Variants in FAM228B observed in about 807,000 individuals in gnomAD.
FAM228B encodes protein FAM228B.
In FAM228B, 38 loss-of-function variants were observed where a neutral mutation model predicts 42.6. The observed-to-expected ratio is 0.89, with a 90% confidence interval of 0.69 to 1.17. The LOEUF (loss-of-function observed/expected upper bound fraction) is 1.17. Ranked by LOEUF, FAM228B falls within the 50% of genes most tolerant of loss-of-function variation. The pLI, the probability that FAM228B is intolerant of heterozygous loss-of-function variation, is 0.00. For missense variants in FAM228B, 344 were observed against 367.3 expected (o/e 0.94, Z 0.52); for synonymous variants, 109 against 122.3 (o/e 0.89, Z 0.72).
chr2:24,081,249 T>C (rs1292375088), intron 2 of FAM228B, among the ~76,000 whole-genome samples: 1 of 152,228 alleles, frequency 6.6e-6, no homozygotes, highest in African/African-American at 2.4e-5. Flanking sequence ...AAAGAGCATA[T>C]TGACGACCTT....
At chr2:24,101,353 G>T (rs1665600917) in intron 3 of FAM228B, among the ~76,000 whole-genome samples, 1 of 151,766 alleles carries the variant, frequency 6.6e-6, no homozygotes, top group Non-Finnish European at 1.5e-5. Flanking sequence ...TATATTTTAT[G>T]CTTTACTGAT....
chr2:24,162,024 G>T (rs1011505730), intron 8 of FAM228B, among the ~76,000 whole-genome samples: 4 of 152,186 alleles, frequency 2.6e-5, no homozygotes, highest in Admixed American at 1.3e-4. Context: ...GTTTGAACCC[G>T]GGAGGCAGAA....
intron 2 of FAM228B, among the ~76,000 whole-genome samples, chr2:24,127,023 G>A (rs747134716): frequency 4.6e-5 from 7 of 151,676 alleles, no homozygotes; most frequent in African/African-American, 1.5e-4. Context: ...TCACAAATCC[G>A]TGCAACTGTC....
chr2:24,100,105 T>A (rs1665575803), intron 3 of FAM228B, among the ~76,000 whole-genome samples: 3 of 151,920 alleles, frequency 2.0e-5, no homozygotes, highest in Non-Finnish European at 2.9e-5. Context: ...TTACACCTTA[T>A]AAAAAATTAA....
chr2:24,134,932 G>A (rs371655424), intron 2 of FAM228B, among the ~76,000 whole-genome samples, 187 bp from the exon 3 acceptor site: 40 of 152,274 alleles, frequency 2.6e-4, no homozygotes, highest in Admixed American at 1.0e-3. Context: ...CAGCCTAGGC[G>A]ACAGAACAAG....
At chr2:24,158,794 C>T (rs149116199) in intron 7 of FAM228B, among the ~76,000 whole-genome samples, 6 of 152,176 alleles carry the variant, frequency 3.9e-5, no homozygotes, top group Non-Finnish European at 8.8e-5. Flanking sequence ...GAGAGGAGCT[C>T]GAAGTTTTGA....
At position 24,116,876 on chromosome 2, in the gene FAM228B, C is replaced by CA. The variant is rs764310244; in HGVS notation, c.-120-18231dup. The stretch of plus-strand genomic sequence containing the variant: ...TGGCTGATAGAATGAAACTGTGTCT[C>CA]AAAAAAAAAAAAGAAAAAGAAAAAC... On this transcript the variant is annotated intron_variant, in intron 3 of 10. Transcript: ENST00000613899. Among the ~76,000 whole-genome samples, 530 of 113,478 alleles carry CA rather than the reference C, an allele frequency of 4.7e-3. 1 individual carries two copies. Among genetic ancestry groups the CA allele is most frequent in the African/African-American group, 0.014 (416 of 30,676 alleles). 74.4% of individuals were successfully genotyped at this position (113,478 alleles called of 152,430 possible).
chr2:24,083,163 A>T, intron 2 of FAM228B: 1 of 1,594,138 alleles, frequency 6.3e-7, no homozygotes, highest in Middle Eastern at 1.7e-4. Context: ...CTGCAGAGAA[A>T]GAAGTGCACT....
chr2:24,135,940 C>G (rs62128007), intron 3 of FAM228B, among the ~76,000 whole-genome samples: 22 of 135,908 alleles, frequency 1.6e-4, no homozygotes, highest in Non-Finnish European at 3.1e-4. Flanking sequence ...TTTACTCTTG[C>G]CTTTTTTTTT....
intron 5 of FAM228B, among the ~76,000 whole-genome samples, chr2:24,146,508 A>G (rs1236313083): frequency 1.3e-5 from 2 of 152,190 alleles, no homozygotes; most frequent in Non-Finnish European, 2.9e-5. Context: ...TTGAACCCAC[A>G]CTTTGAAACA....
Position 24,080,703 on chromosome 2 carries a change from T to C in FAM228B, c.-289-173T>C. ...AGTACTAGAATTTGGCCAGGGCAGC[T>C]GTTGTGCACTTAGCAGAGGTAAGAC... On this transcript the variant is annotated intron_variant, in intron 1 of 10. Coordinates refer to the FAM228B transcript ENST00000613899. This position sits in a 1 kb window ranked among gnomAD's most constrained non-coding sequence, Gnocchi z 4.7. 2 of 1,254,950 alleles carry C rather than the reference T, an allele frequency of 1.6e-6. No homozygotes were observed. Among genetic ancestry groups the C allele is most frequent in the Non-Finnish European group, 2.3e-6 (2 of 878,380 alleles). The allele number at this position is 1,254,950 out of a possible 1,614,324, so 77.7% of individuals were successfully genotyped here.
Position 24,077,764 on chromosome 2 carries a change from AAGACAAGGGAAAGG to A in FAM228B, c.-290+799_-290+812del, listed in dbSNP as rs1449745349. 1 of 1,611,486 alleles carries A rather than the reference AAGACAAGGGAAAGG, an allele frequency of 6.2e-7. No individual in the cohort carries two copies. On this transcript the variant is annotated intron_variant, in intron 1 of 10. Transcript: ENST00000613899. This position sits in a 1 kb window ranked among gnomAD's most constrained non-coding sequence, Gnocchi z 5.5. ...GCATTCACCAGCATTTGCTTGTACT[AAGACAAGGGAAAGG>A]AGATCATCAGCCTGGGGAGAGAGCC...
intron 2 of FAM228B, among the ~76,000 whole-genome samples, chr2:24,088,796 T>C (rs1665319463): frequency 6.6e-6 from 1 of 152,208 alleles, no homozygotes; most frequent in Non-Finnish European, 1.5e-5. Context: ...GAGGCTTGGA[T>C]TTGCAGTTGG....
At chr2:24,129,250 T>A (rs1005308987) in intron 2 of FAM228B, among the ~76,000 whole-genome samples, 1 of 151,998 alleles carries the variant, frequency 6.6e-6, no homozygotes. Context: ...CAGGGGCCAC[T>A]GTTCTTCTTT....
intron 2 of FAM228B, among the ~76,000 whole-genome samples, chr2:24,092,344 G>A (rs923188593): frequency 1.3e-5 from 2 of 152,044 alleles, no homozygotes; most frequent in Admixed American, 6.6e-5. Flanking sequence ...GGAGGCCAAG[G>A]TGTGTGGATT....
chr2:24,085,859 C>T (rs1665226628), intron 2 of FAM228B: 1 of 152,146 alleles, frequency 6.6e-6, no homozygotes, highest in Non-Finnish European at 1.5e-5. Flanking sequence ...TTCTTTAACA[C>T]AACAGAGCAA....
At chr2:24,119,036 G>A (rs1666014342), upstream of FAM228B, among the ~76,000 whole-genome samples, 1 of 152,146 alleles carries the variant, frequency 6.6e-6, no homozygotes, top group Non-Finnish European at 1.5e-5. Context: ...ATTCAAAAAT[G>A]TATAGACACG....
intron 7 of FAM228B, 82 bp downstream of exon 7, chr2:24,147,168 T>G (rs542742204): frequency 1.8e-5 from 18 of 988,806 alleles, no homozygotes; most frequent in Middle Eastern, 3.3e-4. Context: ...TTCATAGTTA[T>G]GATTTTTTAA....
At chr2:24,149,136 T>A (rs1666964123) in intron 7 of FAM228B, among the ~76,000 whole-genome samples, 1 of 152,244 alleles carries the variant, frequency 6.6e-6, no homozygotes, top group Non-Finnish European at 1.5e-5. Context: ...TGATGGACAT[T>A]GAGGTTGCTT....
Sources: allele counts gnomAD v4.1 joint callset (sites outside exome capture counted in the v4.1 genomes callset), GRCh38; gene constraint gnomAD v4.1.1; non-coding constraint Gnocchi (gnomAD v3.1); transcripts MANE v1.5; gene names NCBI Gene and HGNC (gene_info 2026-07-23, HGNC 2026-07-21).